The following SGCZ variants were observed in gnomAD, a reference collection of about 807,000 sequenced individuals.
SGCZ encodes the protein zeta-sarcoglycan.
In SGCZ, 40 loss-of-function variants were observed where a neutral mutation model predicts 41.3. The ratio of observed to expected loss-of-function variants is 0.97; its 90% CI spans 0.75 to 1.26. The LOEUF (loss-of-function observed/expected upper bound fraction) is 1.26, where lower values mean the gene tolerates loss of function less well. Among genes scored for constraint, SGCZ ranks in the 50% most tolerant of loss-of-function variants. SGCZ has a pLI of 0.00. For missense variants in SGCZ, 552 were observed against 369.8 expected (o/e 1.49, Z -4.04); for synonymous variants, 206 against 137.5 (o/e 1.50, Z -3.49).
At chr8:14,234,971 C>G (rs1263815060) in intron 4 of SGCZ, among the ~76,000 whole-genome samples, 1 of 152,142 alleles carries the variant, frequency 6.6e-6, no homozygotes, top group East Asian at 1.9e-4. Context: ...CCCATAATAT[C>G]ACTGTATTTG....
At chr8:14,906,699 C>A (rs1362768095) in intron 1 of SGCZ, among the ~76,000 whole-genome samples, 1 of 152,152 alleles carries the variant, frequency 6.6e-6, no homozygotes, top group Non-Finnish European at 1.5e-5. Context: ...GAATGAAGAT[C>A]AAACAACAGA....
At chr8:14,391,031 T>A (rs1804751771) in intron 2 of SGCZ, among the ~76,000 whole-genome samples, 1 of 151,940 alleles carries the variant, frequency 6.6e-6, no homozygotes, top group African/African-American at 2.4e-5. Flanking sequence ...TTCAGAAAAC[T>A]AAATAAAACA....
chr8:14,839,588 C>CT lies in SGCZ; in HGVS notation c.40-284663dup, dbSNP rs1277232502. 3.9e-5 allele frequency among the ~76,000 whole-genome samples: 6 copies of CT among 152,254 alleles called. No homozygotes were observed. The East Asian group carries it at 1.2e-3, about 29-fold the overall frequency. On this transcript the variant is annotated intron_variant, in intron 1 of 7. Coordinates refer to ENST00000382080, the MANE Select transcript of SGCZ (RefSeq NM_139167.4). Reference sequence around the variant, plus strand: ...TCTACATTATGTAGTGCAATAAACACTTTTTTTCCACCATCCAATGTTCTA... The same window carrying CT: ...TCTACATTATGTAGTGCAATAAACACTTTTTTTTCCACCATCCAATGTTCTA...
chr8:14,680,997 C>G (rs1471901231), intron 1 of SGCZ, among the ~76,000 whole-genome samples: 1 of 131,300 alleles, frequency 7.6e-6, no homozygotes, highest in Admixed American at 7.6e-5. Flanking sequence ...AATCGGTGAA[C>G]CCTGGCACAA....
intron 1 of SGCZ, among the ~76,000 whole-genome samples, chr8:14,682,069 C>T (rs1423441016): frequency 6.6e-6 from 1 of 151,954 alleles, no homozygotes; most frequent in Non-Finnish European, 1.5e-5. Context: ...AACCTTTAGT[C>T]CAGGTAGTCA....
chr8:14,420,082 T>C (rs1046269443), intron 2 of SGCZ, among the ~76,000 whole-genome samples: 1 of 152,098 alleles, frequency 6.6e-6, no homozygotes, highest in Admixed American at 6.6e-5. Context: ...ATTCTATTTA[T>C]TGCATTCTAT....
At chr8:14,582,481 C>A (rs1219119799) in intron 1 of SGCZ, among the ~76,000 whole-genome samples, 7 of 151,922 alleles carry the variant, frequency 4.6e-5, no homozygotes, top group Non-Finnish European at 8.8e-5. Flanking sequence ...AGCTAAACTT[C>A]TGAAAGTTCC....
At chr8:14,848,713 A>T (rs979983351) in intron 1 of SGCZ, among the ~76,000 whole-genome samples, 1 of 152,224 alleles carries the variant, frequency 6.6e-6, no homozygotes, top group Non-Finnish European at 1.5e-5. Context: ...TTAAGCAAAA[A>T]TGTAAATCCT....
chr8:14,683,079 T>G (rs1808500053), intron 1 of SGCZ, among the ~76,000 whole-genome samples: 1 of 152,150 alleles, frequency 6.6e-6, no homozygotes, highest in African/African-American at 2.4e-5. Context: ...AAACCCATGA[T>G]GATAAATGAC....
intron 1 of SGCZ, among the ~76,000 whole-genome samples, chr8:14,868,412 G>T (rs1289790044): frequency 6.6e-6 from 1 of 151,994 alleles, no homozygotes; most frequent in East Asian, 1.9e-4. Context: ...CCAAAATTCT[G>T]TTAATATAAT....
At chr8:14,326,524 T>G (rs1378513955) in intron 2 of SGCZ, among the ~76,000 whole-genome samples, 1 of 152,090 alleles carries the variant, frequency 6.6e-6, no homozygotes, top group Non-Finnish European at 1.5e-5. Flanking sequence ...GAGGTCTGGA[T>G]TGCCCCATAG....
intron 1 of SGCZ, among the ~76,000 whole-genome samples, chr8:14,895,326 T>C (rs1346230403): frequency 6.6e-6 from 1 of 152,128 alleles, no homozygotes; most frequent in Non-Finnish European, 1.5e-5. Context: ...CAAAATTGAA[T>C]AGCTGTGAAG....
intron 3 of SGCZ, among the ~76,000 whole-genome samples, chr8:14,245,534 G>A (rs1344652391): frequency 6.6e-6 from 1 of 152,118 alleles, no homozygotes; most frequent in African/African-American, 2.4e-5. Flanking sequence ...CATAGACATT[G>A]GCAAGGACTT....
intron 4 of SGCZ, among the ~76,000 whole-genome samples, chr8:14,171,044 G>T (rs901976366): frequency 1.3e-5 from 2 of 151,586 alleles, no homozygotes; most frequent in Non-Finnish European, 2.9e-5. Context: ...TTTATGGAAG[G>T]TATGTGGGTA....
chr8:14,614,886 C>T (rs1039227493), intron 1 of SGCZ, among the ~76,000 whole-genome samples: 1 of 151,950 alleles, frequency 6.6e-6, no homozygotes, highest in African/African-American at 2.4e-5. Flanking sequence ...TGTAAAATGA[C>T]CCAAGCATGA....
At chr8:15,074,600 C>T (rs955821638) in intron 1 of SGCZ, among the ~76,000 whole-genome samples, 1 of 152,090 alleles carries the variant, frequency 6.6e-6, no homozygotes, top group Non-Finnish European at 1.5e-5. Context: ...TTTTATACCT[C>T]CTTGCTTGCT....
At chr8:14,506,407 A>G (rs780111852) in intron 2 of SGCZ, among the ~76,000 whole-genome samples, 8 of 151,974 alleles carry the variant, frequency 5.3e-5, no homozygotes, top group Non-Finnish European at 1.0e-4. Context: ...CTTCTATATC[A>G]TCATTTCCCC....
chr8:14,893,052 C>T lies in SGCZ; in HGVS notation c.40-338126G>A, dbSNP rs182905485. Among the ~76,000 whole-genome samples the T allele has an allele frequency of 4.0e-3, 614 of 152,234 alleles. 3 individuals are homozygous for T. The highest frequency in any genetic ancestry group is 0.017 in the South Asian group (84 of 4,824). On this transcript the variant is annotated intron_variant, in intron 1 of 7. Transcript: ENST00000382080. The stretch of plus-strand genomic sequence containing the variant: ...CCCTGTGAATGTGTTGCCTAACTTG[C>T]CGAGAGGGACTTTGCATATTTGATT...
At position 14,414,221 on chromosome 8, in the gene SGCZ, C is replaced by T. The variant is rs117599861; in HGVS notation, c.235-90017G>A. Among the ~76,000 whole-genome samples, 1,421 of 151,842 alleles carry T rather than the reference C, an allele frequency of 9.4e-3. 10 individuals are homozygous for T. The highest frequency in any genetic ancestry group is 0.024 in the Middle Eastern group (7 of 294). On this transcript the variant is annotated intron_variant, in intron 2 of 7. Coordinates refer to ENST00000382080, the MANE Select transcript of SGCZ (RefSeq NM_139167.4). ...ACACACACACATACAGACACGCACA[C>T]GCTAGAGAGAGACATCTTTTAAAGC...
Sources: allele counts gnomAD v4.1 joint callset (sites outside exome capture counted in the v4.1 genomes callset), GRCh38; gene constraint gnomAD v4.1.1; transcripts MANE v1.5; gene names NCBI Gene and HGNC (gene_info 2026-07-23, HGNC 2026-07-21).